Variants in SLC39A11 observed in about 807,000 individuals in gnomAD.
SLC39A11 encodes solute carrier family 39 member 11, also known as zinc transporter ZIP11.
A neutral mutation model predicts 36.1 loss-of-function variants in SLC39A11; 33 were observed. The observed-to-expected ratio is 0.91, with a 90% CI of 0.69 to 1.22. SLC39A11 has a LOEUF of 1.22. Among genes scored for constraint, SLC39A11 ranks in the 50% most tolerant of loss-of-function variants. The probability of loss-of-function intolerance (pLI) is 0.00; values close to 1 mark genes in which losing one functional copy is unlikely to be tolerated. For missense variants in SLC39A11, 432 were observed against 430.3 expected, an observed-to-expected ratio of 1.00 and a Z score of -0.03; for synonymous variants, 166 against 170.3, an observed-to-expected ratio of 0.97 and a Z score of 0.20.
chr17:72,809,072 A>T (rs948869900), intron 6 of SLC39A11, among the ~76,000 whole-genome samples: 5 of 152,232 alleles, frequency 3.3e-5, no homozygotes, highest in African/African-American at 1.2e-4. Context: ...TTGGGTGGTT[A>T]CAGTTTGGAG....
chr17:72,675,360 C>A (rs2071210030), intron 7 of SLC39A11, among the ~76,000 whole-genome samples: 1 of 152,196 alleles, frequency 6.6e-6, no homozygotes, highest in Non-Finnish European at 1.5e-5. Context: ...TCCTCACGGG[C>A]ACTGAATCTG....
At chr17:73,081,701 G>GTATA (rs762425161) in intron 3 of SLC39A11, among the ~76,000 whole-genome samples, 11 of 115,338 alleles carry the variant, frequency 9.5e-5, no homozygotes, top group Non-Finnish European at 1.3e-4. Context: ...ATATATGTAT[G>GTATA]TATATATATA....
At chr17:73,066,081 T>C (rs148873396) in intron 3 of SLC39A11, among the ~76,000 whole-genome samples, 27 of 152,330 alleles carry the variant, frequency 1.8e-4, no homozygotes, top group African/African-American at 6.3e-4. Context: ...TGATATTTTG[T>C]AAGCTCCGCC....
chr17:72,717,033 A>T (rs1282608021), intron 7 of SLC39A11, among the ~76,000 whole-genome samples: 1 of 144,632 alleles, frequency 6.9e-6, no homozygotes, highest in Non-Finnish European at 1.5e-5. Context: ...ACATATACAC[A>T]TATAAAATAT....
chr17:72,731,942 G>C (rs2074235977), intron 7 of SLC39A11, among the ~76,000 whole-genome samples: 1 of 151,298 alleles, frequency 6.6e-6, no homozygotes, highest in African/African-American at 2.4e-5. Context: ...GGTCAGGCTG[G>C]TCTCGAACTC....
At chr17:72,947,321 A>G (rs959685540) in intron 5 of SLC39A11, among the ~76,000 whole-genome samples, 3 of 57,058 alleles carry the variant, frequency 5.3e-5, no homozygotes, top group Admixed American at 2.2e-4. Flanking sequence ...CTCGGGGGGA[A>G]AAAAAAAATC....
Position 72,988,214 on chromosome 17 carries a change from G to T in SLC39A11, c.307-40339C>A, listed in dbSNP as rs1460695362. Among the ~76,000 whole-genome samples, 7 of 152,266 alleles carry T rather than the reference G, an allele frequency of 4.6e-5. No individual in the cohort carries two copies. The East Asian group carries it at 1.4e-3, about 29-fold the overall frequency. On this transcript the variant is annotated intron_variant, in intron 4 of 9. Coordinates refer to ENST00000255559, the MANE Select transcript of SLC39A11 (RefSeq NM_139177.4). The stretch of plus-strand genomic sequence containing the variant: ...ACGCCTGTAATCCCAACACTTTGGG[G>T]GGCCAAGGCGGGAAGATCACCTGAG...
intron 4 of SLC39A11, among the ~76,000 whole-genome samples, chr17:73,015,069 C>T (rs963163204): frequency 4.6e-5 from 7 of 152,200 alleles, no homozygotes; most frequent in Admixed American, 1.3e-4. Flanking sequence ...TTCCCTTCCA[C>T]GCCCATCTAT....
chr17:72,877,814 TTTA>T (rs534543674), intron 5 of SLC39A11, among the ~76,000 whole-genome samples: 43 of 150,442 alleles, frequency 2.9e-4, no homozygotes, highest in East Asian at 1.4e-3. Context: ...TTTATTTTTA[TTTA>T]TTATTATTAT....
At chr17:72,835,292 AGCCATCTGT>A (rs2078478014) in intron 6 of SLC39A11, among the ~76,000 whole-genome samples, 1 of 152,218 alleles carries the variant, frequency 6.6e-6, no homozygotes, top group Admixed American at 6.5e-5. Flanking sequence ...TGAAAATTAA[AGCCATCTGT>A]GACGTCCCCA....
intron 7 of SLC39A11, among the ~76,000 whole-genome samples, chr17:72,668,001 G>A (rs1598285630): frequency 6.6e-6 from 1 of 152,182 alleles, no homozygotes; most frequent in East Asian, 1.9e-4. Flanking sequence ...CCATATTCCT[G>A]CAGAAACAGT....
chr17:72,765,846 C>T (rs1456618143), intron 6 of SLC39A11, among the ~76,000 whole-genome samples: 1 of 152,158 alleles, frequency 6.6e-6, no homozygotes, highest in Admixed American at 6.5e-5. Flanking sequence ...TATAACTTGG[C>T]CCAATGCTGG....
intron 3 of SLC39A11, among the ~76,000 whole-genome samples, chr17:73,040,603 G>A (rs1305416832): frequency 6.6e-6 from 1 of 152,142 alleles, no homozygotes; most frequent in Non-Finnish European, 1.5e-5. Flanking sequence ...ACTGGATGAA[G>A]GGCACTATTC....
intron 6 of SLC39A11, among the ~76,000 whole-genome samples, chr17:72,813,185 T>A (rs535815169): frequency 2.0e-5 from 3 of 152,334 alleles, no homozygotes; most frequent in African/African-American, 7.2e-5. Flanking sequence ...TTACTCCTTA[T>A]ACTTTTGAAA....
chr17:72,957,429 T>G (rs2086309367), intron 4 of SLC39A11, among the ~76,000 whole-genome samples: 1 of 152,360 alleles, frequency 6.6e-6, no homozygotes, highest in Admixed American at 6.5e-5. Flanking sequence ...TGCTTTAGCT[T>G]AAACCCACAA....
intron 7 of SLC39A11, among the ~76,000 whole-genome samples, chr17:72,665,224 G>GC (rs537197164): frequency 1.3e-5 from 2 of 152,114 alleles, no homozygotes; most frequent in South Asian, 4.2e-4. Context: ...GGATCCTTCA[G>GC]CCCCAGTCAA....
intron 5 of SLC39A11, among the ~76,000 whole-genome samples, chr17:72,905,996 G>A (rs908014294): frequency 2.0e-5 from 3 of 152,104 alleles, no homozygotes; most frequent in African/African-American, 7.2e-5. Flanking sequence ...CTCCTGATCC[G>A]CCTGCCTTGG....
chr17:72,849,929 T>G, intron 5 of SLC39A11, 125 bp from the exon 6 acceptor site: 2 of 949,462 alleles, frequency 2.1e-6, no homozygotes, highest in Admixed American at 7.0e-5. Context: ...GGTCTTACTC[T>G]GTCACCCAGC....
intron 7 of SLC39A11, among the ~76,000 whole-genome samples, chr17:72,670,250 G>A (rs2070964471): frequency 6.7e-6 from 1 of 149,746 alleles, no homozygotes; most frequent in African/African-American, 2.5e-5. Flanking sequence ...ACACATCTGT[G>A]GTCCCAGTTA....
Sources: allele counts gnomAD v4.1 joint callset (sites outside exome capture counted in the v4.1 genomes callset), GRCh38; gene constraint gnomAD v4.1.1; transcripts MANE v1.5; gene names NCBI Gene and HGNC (gene_info 2026-07-23, HGNC 2026-07-21).